ACAP2: variants seen among roughly 807,000 people sequenced by gnomAD.
ACAP2 encodes the protein ArfGAP with coiled-coil, ankyrin repeat and PH domains 2.
Under a neutral mutation model 115.8 loss-of-function variants are expected in ACAP2, and 39 were observed. The observed-to-expected ratio is 0.34, with a 90% CI of 0.26 to 0.44. ACAP2 has a LOEUF of 0.44. ACAP2 is among the 20% of genes least tolerant of loss of function. The probability of loss-of-function intolerance (pLI) is 1.00; values close to 1 mark genes in which losing one functional copy is unlikely to be tolerated. For synonymous variants in ACAP2, 289 were observed against 315.8 expected (o/e 0.92, Z 0.90); for missense variants, 662 against 927.6 (o/e 0.71, Z 3.72).
At chr3:195,430,473 G>A (rs892534082) in intron 1 of ACAP2, among the ~76,000 whole-genome samples, 1 of 152,144 alleles carries the variant, frequency 6.6e-6, no homozygotes, top group African/African-American at 2.4e-5. Flanking sequence ...CAGCACTTTG[G>A]GAGGCCGAGG....
At chr3:195,373,527 A>T (rs1403955499) in intron 4 of ACAP2, among the ~76,000 whole-genome samples, 1 of 152,238 alleles carries the variant, frequency 6.6e-6, no homozygotes, top group Non-Finnish European at 1.5e-5. Context: ...AATAATTCTC[A>T]ACTTGCAGAT....
intron 4 of ACAP2, among the ~76,000 whole-genome samples, chr3:195,378,598 C>T (rs146010011): frequency 0.013 from 1,936 of 152,108 alleles, 29 homozygotes; most frequent in African/African-American, 0.042. Context: ...CGGTGGCTCA[C>T]GCCTGTAATC....
intron 2 of ACAP2, among the ~76,000 whole-genome samples, chr3:195,385,415 A>G (rs1471678818): frequency 9.9e-5 from 15 of 151,376 alleles, no homozygotes; most frequent in Admixed American, 6.6e-4. Context: ...ATCTTTATCT[A>G]CTTAAGATAG....
chr3:195,386,802 A>T (rs970385015), intron 2 of ACAP2, among the ~76,000 whole-genome samples: 13 of 139,056 alleles, frequency 9.3e-5, no homozygotes, highest in Middle Eastern at 3.5e-3. Flanking sequence ...AGTAAAATTT[A>T]AAAAAAAAAA....
intron 4 of ACAP2, among the ~76,000 whole-genome samples, chr3:195,374,767 T>G (rs1331576196): frequency 1.3e-5 from 2 of 151,856 alleles, no homozygotes; most frequent in East Asian, 3.9e-4. Context: ...CAGGCTGGAG[T>G]GCAGCGGCAC....
At chr3:195,306,748 G>T in intron 12 of ACAP2, 132 bp from the exon 13 acceptor site, 1 of 622,214 alleles carries the variant, frequency 1.6e-6, no homozygotes, top group South Asian at 2.4e-5. Flanking sequence ...GTTGAAAGAA[G>T]GTTTTATTTC....
intron 4 of ACAP2, among the ~76,000 whole-genome samples, chr3:195,352,095 C>T (rs1356102170): frequency 3.9e-5 from 6 of 152,266 alleles, no homozygotes; most frequent in East Asian, 1.9e-4. Context: ...GCACATATAA[C>T]GGTGGTCCCA....
intron 2 of ACAP2, among the ~76,000 whole-genome samples, chr3:195,384,385 G>T (rs528007141): frequency 6.6e-6 from 1 of 152,234 alleles, no homozygotes; most frequent in Admixed American, 6.5e-5. Context: ...TTGAAATGGG[G>T]AGAGTCATTT....
At chr3:195,429,084 G>A (rs568014024) in intron 1 of ACAP2, among the ~76,000 whole-genome samples, 2 of 152,262 alleles carry the variant, frequency 1.3e-5, no homozygotes, top group South Asian at 4.1e-4. Context: ...CTACACAGCA[G>A]TAAGAATGAA....
chr3:195,301,785 A>G (rs554168520), intron 14 of ACAP2, 141 bp from the exon 15 acceptor site: 1 of 1,125,902 alleles, frequency 8.9e-7, no homozygotes, highest in African/African-American at 1.6e-5. Flanking sequence ...ATAATGAATG[A>G]TGAACCAAAG....
chr3:195,353,630 A>T (rs1731755753), intron 4 of ACAP2, among the ~76,000 whole-genome samples: 1 of 152,244 alleles, frequency 6.6e-6, no homozygotes, highest in Non-Finnish European at 1.5e-5. Flanking sequence ...AAAGTGGCAA[A>T]GAAAAACTTT....
intron 10 of ACAP2, among the ~76,000 whole-genome samples, chr3:195,313,440 G>A (rs1242846659): frequency 2.6e-5 from 4 of 152,180 alleles, no homozygotes; most frequent in African/African-American, 9.7e-5. Context: ...CATAAAGAAA[G>A]TAGGTTCACT....
At chr3:195,416,972 G>A (rs1414534900) in intron 1 of ACAP2, among the ~76,000 whole-genome samples, 1 of 150,984 alleles carries the variant, frequency 6.6e-6, no homozygotes, top group East Asian at 1.9e-4. Flanking sequence ...CTGAAATACA[G>A]TGACACAATA....
intron 1 of ACAP2, among the ~76,000 whole-genome samples, chr3:195,425,395 T>A (rs1714609693): frequency 6.6e-6 from 1 of 152,238 alleles, no homozygotes; most frequent in East Asian, 1.9e-4. Flanking sequence ...TATAGTATGT[T>A]ATGTGAAAAT....
chr3:195,344,850 C>T (rs986131060), intron 5 of ACAP2, among the ~76,000 whole-genome samples: 2 of 152,112 alleles, frequency 1.3e-5, no homozygotes, highest in African/African-American at 2.4e-5. Flanking sequence ...GGCTCATTCT[C>T]GTATATTCCA....
chr3:195,436,413 AG>A (rs1270523341), intron 1 of ACAP2, among the ~76,000 whole-genome samples: 6 of 151,726 alleles, frequency 4.0e-5, no homozygotes, highest in African/African-American at 9.7e-5. Flanking sequence ...GGATTACAGG[AG>A]TGAGCCACCA....
rs528593732 is a variant in ACAP2 at position 195,341,348 on chromosome 3, G to A, written c.528+1123C>T. Among the ~76,000 whole-genome samples, 386 of 106,878 alleles carry A rather than the reference G, an allele frequency of 3.6e-3. 3 individuals carry two copies. Among genetic ancestry groups the A allele is most frequent in the South Asian group, 0.018 (52 of 2,936 alleles). The allele number at this position is 106,878 out of a possible 152,430, so 70.1% of individuals were successfully genotyped here. The stretch of plus-strand genomic sequence containing the variant: ...TTTTTTTTTTTTTTTTTTTTGAGAC[G>A]GAGTCTCGCTCTGTCACCCAGGCTG... On this transcript the variant is annotated intron_variant, in intron 6 of 22. Transcript: ENST00000326793.
At chr3:195,306,942 T>C (rs997559211) in intron 12 of ACAP2, 27 of 345,366 alleles carry the variant, frequency 7.8e-5, no homozygotes, top group Admixed American at 3.6e-4. Context: ...ATGATAGTTA[T>C]CAAAGAAACT....
In ACAP2 at chr3:195,297,173, A is replaced by G; in HGVS notation, c.1487+17T>C. Reference sequence around the variant, plus strand: ...GCTATATTCCTAATTAGGGGGAAAAAACAACTGAAATAGTACCTTTGTCCT... The same window carrying G: ...GCTATATTCCTAATTAGGGGGAAAAGACAACTGAAATAGTACCTTTGTCCT... On this transcript the variant is annotated intron_variant, in intron 16 of 22. Coordinates refer to ENST00000326793, the MANE Select transcript of ACAP2 (RefSeq NM_012287.6). 1 of 1,604,296 alleles carries G rather than the reference A, an allele frequency of 6.2e-7. No homozygotes were observed. The highest frequency in any genetic ancestry group is 8.5e-7 in the Non-Finnish European group (1 of 1,173,856).
Sources: allele counts gnomAD v4.1 joint callset (sites outside exome capture counted in the v4.1 genomes callset), GRCh38; gene constraint gnomAD v4.1.1; transcripts MANE v1.5; gene names NCBI Gene and HGNC (gene_info 2026-07-23, HGNC 2026-07-21).